The following POC1B variants were observed in gnomAD, a reference collection of about 807,000 sequenced individuals.
POC1B encodes the protein POC1 centriolar protein B.
POC1B carries 44 observed loss-of-function variants against 60.6 expected under a neutral mutation model. That is an observed-to-expected ratio of 0.73 (90% CI 0.57 to 0.93). The LOEUF is 0.93. Among genes scored for constraint, POC1B ranks in the 40% least tolerant of loss-of-function variants. The probability of loss-of-function intolerance (pLI) is 0.00; values close to 1 mark genes in which losing one functional copy is unlikely to be tolerated. For missense variants in POC1B, 555 were observed against 572.3 expected (o/e 0.97, Z 0.31); for synonymous variants, 180 against 198.9 (o/e 0.90, Z 0.80).
the POC1B span, among the ~76,000 whole-genome samples, chr12:89,408,507 A>G: frequency 2.1e-5 from 3 of 140,612 alleles, no homozygotes; most frequent in Non-Finnish European, 4.6e-5. Flanking sequence ...TTTTTTTGAG[A>G]CGGAGTCTCG....
At chr12:89,452,089 T>C (rs1882065483) in intron 10 of POC1B, among the ~76,000 whole-genome samples, 1 of 152,156 alleles carries the variant, frequency 6.6e-6, no homozygotes, top group Non-Finnish European at 1.5e-5. Flanking sequence ...AGGATGTTTC[T>C]CTTCCACAGG....
At chr12:89,425,685 A>T (rs1880733838) in intron 10 of POC1B, 1 of 193,092 alleles carries the variant, frequency 5.2e-6, no homozygotes, top group South Asian at 1.3e-4. Context: ...TTTAATTCTT[A>T]ATTTAAAAAC....
At chr12:89,431,482 T>C (rs1045980882) in intron 10 of POC1B, among the ~76,000 whole-genome samples, 2 of 151,974 alleles carry the variant, frequency 1.3e-5, no homozygotes, top group Non-Finnish European at 2.9e-5. Context: ...CACGTATGTA[T>C]AAAACGTCTG....
intron 7 of POC1B, 61 bp downstream of exon 7, chr12:89,470,300 T>C: frequency 1.0e-6 from 1 of 961,414 alleles, no homozygotes; most frequent in Non-Finnish European, 1.3e-6. Flanking sequence ...GGATCAGAAA[T>C]TTAAAATATA....
At chr12:89,525,684 C>T in intron 1 of POC1B, 197 bp downstream of exon 1, 1 of 1,245,030 alleles carries the variant, frequency 8.0e-7, no homozygotes, top group Non-Finnish European at 1.0e-6. Flanking sequence ...CGTCCGGGAG[C>T]CGGGTCTGGG....
chr12:89,522,118 T>A, intron 2 of POC1B: 1 of 398,992 alleles, frequency 2.5e-6, no homozygotes. Flanking sequence ...GGTATTAATA[T>A]ATACATCAGT....
chr12:89,491,436 C>T (rs1868963457), intron 4 of POC1B, among the ~76,000 whole-genome samples: 1 of 151,820 alleles, frequency 6.6e-6, no homozygotes, highest in East Asian at 1.9e-4. Context: ...CCAGCTTGGG[C>T]AACATGGTGA....
At chr12:89,469,959 C>A (rs1361314376) in intron 7 of POC1B, among the ~76,000 whole-genome samples, 1 of 152,000 alleles carries the variant, frequency 6.6e-6, no homozygotes, top group Non-Finnish European at 1.5e-5. Context: ...CCTCCCCCTC[C>A]TGGGTTCAAG....
At chr12:89,478,118 CATTCATTT>C (rs1211169235) in intron 4 of POC1B, among the ~76,000 whole-genome samples, 14 of 103,074 alleles carry the variant, frequency 1.4e-4, no homozygotes, top group Admixed American at 3.9e-4. Flanking sequence ...TTCATTCATT[CATTCATTT>C]ATTGATAGAC....
intron 9 of POC1B, among the ~76,000 whole-genome samples, chr12:89,462,875 T>TA (rs1298161050): frequency 6.6e-6 from 1 of 152,164 alleles, no homozygotes; most frequent in Non-Finnish European, 1.5e-5. Context: ...GTATAACTGT[T>TA]AGACTTTATC....
At chr12:89,517,869 G>A (rs1870528127) in intron 2 of POC1B, among the ~76,000 whole-genome samples, 1 of 152,114 alleles carries the variant, frequency 6.6e-6, no homozygotes, top group Non-Finnish European at 1.5e-5. Context: ...AACTAAATAA[G>A]GGAGTAGTAA....
chr12:89,462,814 G>A (rs192041152), intron 9 of POC1B, among the ~76,000 whole-genome samples: 116 of 152,050 alleles, frequency 7.6e-4, no homozygotes, highest in Non-Finnish European at 1.5e-3. Flanking sequence ...TTATTTCACC[G>A]AGATTTTAGG....
At chr12:89,455,262 G>T (rs896421489) in intron 10 of POC1B, among the ~76,000 whole-genome samples, 3 of 152,150 alleles carry the variant, frequency 2.0e-5, no homozygotes, top group Admixed American at 6.6e-5. Flanking sequence ...TTGAACCCAG[G>T]AACTGGAGGC....
At chr12:89,501,967 G>T in intron 2 of POC1B, 1 of 976,074 alleles carries the variant, frequency 1.0e-6, no homozygotes, top group Admixed American at 1.7e-5. Flanking sequence ...GGAAAGTGAT[G>T]AGGCAGACTT....
chr12:89,520,837 G>T (rs1870788975), intron 2 of POC1B: 1 of 152,038 alleles, frequency 6.6e-6, no homozygotes, highest in African/African-American at 2.4e-5. Context: ...AACTAATTGA[G>T]ATTTAATTCT....
chr12:89,522,995 G>C, intron 2 of POC1B: 3 of 1,613,892 alleles, frequency 1.9e-6, no homozygotes, highest in Non-Finnish European at 2.5e-6. Context: ...CCATCTTTGG[G>C]ACAATTTTGC....
intron 3 of POC1B, among the ~76,000 whole-genome samples, chr12:89,495,671 C>A (rs1592627007): frequency 6.6e-6 from 1 of 152,102 alleles, no homozygotes; most frequent in South Asian, 2.1e-4. Flanking sequence ...GACCATTTTT[C>A]CATGGGACCA....
intron 10 of POC1B, among the ~76,000 whole-genome samples, chr12:89,430,833 G>T (rs1049923263): frequency 6.6e-6 from 1 of 152,074 alleles, no homozygotes; most frequent in Non-Finnish European, 1.5e-5. Context: ...TGGTTGAACT[G>T]AATTTAATGG....
chr12:89,436,713 C>CA (rs113893909), intron 10 of POC1B, among the ~76,000 whole-genome samples: 1,571 of 122,950 alleles, frequency 0.013, 25 homozygotes, highest in African/African-American at 0.043. Context: ...GACTCAATCT[C>CA]AAAAAAAAAA....
Sources: allele counts gnomAD v4.1 joint callset (sites outside exome capture counted in the v4.1 genomes callset), GRCh38; gene constraint gnomAD v4.1.1; transcripts MANE v1.5; gene names NCBI Gene and HGNC (gene_info 2026-07-23, HGNC 2026-07-21).